Variants in MALRD1 observed in about 807,000 individuals in gnomAD.
The protein encoded by MALRD1 is MAM and LDL-receptor class A domain-containing protein 1.
Under a neutral mutation model 242.1 loss-of-function variants are expected in MALRD1, and 247 were observed. The observed-to-expected ratio is 1.02, with a 90% CI of 0.92 to 1.13. The LOEUF is 1.13. Ranked by LOEUF, MALRD1 falls within the 50% of genes most tolerant of loss-of-function variation. The pLI is 0.00. For synonymous variants in MALRD1, 995 were observed against 866.6 expected, an observed-to-expected ratio of 1.15 and a Z score of -2.60; for missense variants, 2,989 against 2,533.1, an observed-to-expected ratio of 1.18 and a Z score of -3.86.
intron 2 of MALRD1, among the ~76,000 whole-genome samples, chr10:19,081,823 A>C (rs1356690653): frequency 6.6e-6 from 1 of 151,966 alleles, no homozygotes; most frequent in African/African-American, 2.4e-5. Context: ...TAGCGATTTC[A>C]GCTTTCTTTT....
intron 38 of MALRD1, 83 bp from the exon 39 acceptor site, chr10:19,730,623 A>G: frequency 1.5e-6 from 2 of 1,340,642 alleles, no homozygotes; most frequent in Non-Finnish European, 2.1e-6. Flanking sequence ...GTCTCTCAAA[A>G]GTTTCTAACA....
At chr10:19,645,543 C>T (rs993536621) in intron 36 of MALRD1, among the ~76,000 whole-genome samples, 1 of 152,110 alleles carries the variant, frequency 6.6e-6, no homozygotes, top group Non-Finnish European at 1.5e-5. Flanking sequence ...GAATACTATG[C>T]AGCCATAAAA....
chr10:19,287,531 T>A (rs571344833), intron 21 of MALRD1, among the ~76,000 whole-genome samples: 7 of 152,112 alleles, frequency 4.6e-5, no homozygotes, highest in Admixed American at 6.6e-5. Context: ...ATGTGAAAAT[T>A]AATAGTTTTC....
At chr10:19,508,631 A>G (rs1833254853) in intron 31 of MALRD1, among the ~76,000 whole-genome samples, 1 of 152,234 alleles carries the variant, frequency 6.6e-6, no homozygotes, top group South Asian at 2.1e-4. Flanking sequence ...TGTAGTAACA[A>G]GCAAAGAATA....
At chr10:19,325,045 A>G (rs1057291984) in intron 22 of MALRD1, among the ~76,000 whole-genome samples, 5 of 130,178 alleles carry the variant, frequency 3.8e-5, no homozygotes, top group African/African-American at 1.4e-4. Context: ...TAATTTTACA[A>G]TGCTGATTGC....
chr10:19,085,223 C>G (rs531664964), intron 2 of MALRD1, among the ~76,000 whole-genome samples: 2 of 151,994 alleles, frequency 1.3e-5, no homozygotes, highest in Admixed American at 6.6e-5. Flanking sequence ...AAAAGTTATG[C>G]TGTCAAAGAT....
chr10:19,476,906 A>G (rs1362892040), intron 29 of MALRD1, among the ~76,000 whole-genome samples: 3 of 141,160 alleles, frequency 2.1e-5, no homozygotes, highest in South Asian at 2.4e-4. Flanking sequence ...TCTCCATCTC[A>G]TTAACCTAAC....
At chr10:19,523,763 C>T (rs895654014) in intron 31 of MALRD1, among the ~76,000 whole-genome samples, 2 of 151,994 alleles carry the variant, frequency 1.3e-5, no homozygotes, top group African/African-American at 4.8e-5. Context: ...TAAGATGACT[C>T]TACCTTGTGT....
chr10:19,395,336 T>A (rs186359998), intron 28 of MALRD1, among the ~76,000 whole-genome samples: 80 of 152,242 alleles, frequency 5.3e-4, no homozygotes, highest in African/African-American at 1.8e-3. Context: ...TAGGTAGACA[T>A]GAGACATCAA....
chr10:19,624,722 C>T (rs778681705), intron 36 of MALRD1, among the ~76,000 whole-genome samples: 27 of 151,554 alleles, frequency 1.8e-4, no homozygotes, highest in Non-Finnish European at 3.7e-4. Context: ...AAAAATTAGC[C>T]GGGGGTGATG....
At chr10:19,395,993 A>G (rs1846559298) in intron 28 of MALRD1, among the ~76,000 whole-genome samples, 1 of 152,110 alleles carries the variant, frequency 6.6e-6, no homozygotes, top group South Asian at 2.1e-4. Context: ...TTTACAGAGA[A>G]GCATATAGTC....
intron 4 of MALRD1, among the ~76,000 whole-genome samples, chr10:19,096,828 C>G (rs545218142): frequency 6.6e-6 from 1 of 152,274 alleles, no homozygotes; most frequent in South Asian, 2.1e-4. Flanking sequence ...TAGGCGATTT[C>G]GGTCCCAGCT....
chr10:19,245,736 C>T (rs1444818246), intron 18 of MALRD1, among the ~76,000 whole-genome samples: 1 of 152,076 alleles, frequency 6.6e-6, no homozygotes, highest in Non-Finnish European at 1.5e-5. Flanking sequence ...AGAGGAGAAT[C>T]CTAGGAATCT....
At chr10:19,179,333 T>C (rs957067004) in intron 14 of MALRD1, among the ~76,000 whole-genome samples, 4 of 152,150 alleles carry the variant, frequency 2.6e-5, no homozygotes, top group Admixed American at 6.5e-5. Flanking sequence ...TGACAATGTA[T>C]TGTACACTTA....
intron 29 of MALRD1, chr10:19,489,447 G>A: frequency 1.7e-6 from 1 of 585,294 alleles, no homozygotes; most frequent in Non-Finnish European, 3.2e-6. Flanking sequence ...CTCCCTTCTT[G>A]TACAATCCAG....
At chr10:19,195,791 T>A (rs531547553) in intron 14 of MALRD1, among the ~76,000 whole-genome samples, 1 of 152,058 alleles carries the variant, frequency 6.6e-6, no homozygotes, top group East Asian at 1.9e-4. Flanking sequence ...GTGACACCTG[T>A]TCTCACTTTA....
intron 31 of MALRD1, among the ~76,000 whole-genome samples, chr10:19,503,181 C>T (rs965886318): frequency 4.6e-5 from 7 of 152,102 alleles, no homozygotes; most frequent in Admixed American, 6.5e-5. Flanking sequence ...TACACTAATA[C>T]GGCTGAGTGA....
intron 32 of MALRD1, among the ~76,000 whole-genome samples, chr10:19,562,301 A>T (rs779195772): frequency 1.4e-5 from 1 of 69,922 alleles, no homozygotes; most frequent in Non-Finnish European, 2.9e-5. Flanking sequence ...TCTTAGGTAG[A>T]TAGATAGATA....
At chr10:19,262,773 A>G (rs532939378) in intron 19 of MALRD1, among the ~76,000 whole-genome samples, 11 of 152,048 alleles carry the variant, frequency 7.2e-5, no homozygotes, top group African/African-American at 2.4e-4. Context: ...AATTTGTACC[A>G]TCTTACCAAC....
Sources: allele counts gnomAD v4.1 joint callset (sites outside exome capture counted in the v4.1 genomes callset), GRCh38; gene constraint gnomAD v4.1.1; transcripts MANE v1.5; gene names NCBI Gene and HGNC (gene_info 2026-07-23, HGNC 2026-07-21).